The following CDC14B variants were observed in gnomAD, a reference collection of about 807,000 sequenced individuals.
CDC14B encodes dual specificity protein phosphatase CDC14B.
CDC14B carries 22 observed loss-of-function variants against 64.2 expected under a neutral mutation model. That is an observed-to-expected ratio of 0.34 (90% CI 0.24 to 0.49). CDC14B has a LOEUF of 0.49. CDC14B is among the 20% of genes least tolerant of loss of function. The pLI is 0.99. For missense variants in CDC14B, 498 were observed against 629.9 expected (o/e 0.79, Z 2.24); for synonymous variants, 191 against 215.8 (o/e 0.89, Z 1.01).
chr9:96,540,841 C>T lies in CDC14B; in HGVS notation c.564+985G>A, dbSNP rs544700212. ...TGCCCACACTGAGGGCCCATGGAGC[C>T]GCCTCAGAGCTCATGGCAACTACCC... On this transcript the variant is annotated intron_variant, in intron 6 of 13. Transcript: ENST00000375241. Among the ~76,000 whole-genome samples, 21 of 152,210 alleles carry T rather than the reference C, an allele frequency of 1.4e-4. No individual in the cohort carries two copies. In the South Asian group the frequency reaches 3.9e-3, roughly 29 times the overall value.
intron 6 of CDC14B, 143 bp from the exon 7 acceptor site, chr9:96,539,283 G>A: frequency 3.3e-6 from 2 of 601,672 alleles, no homozygotes; most frequent in Non-Finnish European, 6.0e-6. Flanking sequence ...AGCTTTCAAA[G>A]GAAGTGGGCG....
intron 1 of CDC14B, among the ~76,000 whole-genome samples, chr9:96,584,244 T>C (rs1479002207): frequency 6.6e-6 from 1 of 152,202 alleles, no homozygotes; most frequent in African/African-American, 2.4e-5. Context: ...GCTTTTATTA[T>C]AACTTGGTAG....
chr9:96,492,978 G>T (rs1833126048), exon 14 of CDC14B: 1 of 152,246 alleles, frequency 6.6e-6, no homozygotes, highest in Non-Finnish European at 1.5e-5. Flanking sequence ...ACGCAAGGTG[G>T]GCCCCTCTGA....
rs1837033777 is a variant in CDC14B, at chr9:96,523,324, G to A, written c.1182C>T (p.Leu394=). The A allele has an allele frequency of 6.2e-7, 1 of 1,614,040 alleles. No homozygotes were observed. Among genetic ancestry groups the A allele is most frequent in the Admixed American group, 1.7e-5 (1 of 59,998 alleles). Residue 394 remains leucine (L), a synonymous_variant, in exon 11 of 14, where the codon CTC becomes CTT. Coordinates refer to ENST00000375241, the MANE Select transcript of CDC14B (RefSeq NM_033331.4). The part of the protein sequence containing the change: ...GQHRAAFSKL[L]SGVDDISING... ...TTATGGAAATGTCATCAACGCCAGA[G>A]AGAAGTTTGGAGAAGGCTGCTCTGT...
At chr9:96,582,460 G>T (rs552585177) in intron 1 of CDC14B, among the ~76,000 whole-genome samples, 1 of 152,182 alleles carries the variant, frequency 6.6e-6, no homozygotes, top group South Asian at 2.1e-4. Context: ...CTCTACCTCT[G>T]CCTCTTTTAA....
At chr9:96,606,315 A>G (rs1448583965) in intron 1 of CDC14B, among the ~76,000 whole-genome samples, 1 of 133,646 alleles carries the variant, frequency 7.5e-6, no homozygotes, top group Admixed American at 8.0e-5. Flanking sequence ...CCTGGGGAAC[A>G]GGGCAAGACT....
chr9:96,541,849 CAAG>C lies in CDC14B; in HGVS notation c.538_540del (p.Leu180del). The C allele has an allele frequency of 6.2e-7, 1 of 1,608,948 alleles. No homozygotes were observed. Among genetic ancestry groups the C allele is most frequent in the Non-Finnish European group, 8.5e-7 (1 of 1,176,404 alleles). ...ACCTTCTTTACTGCATGAAAACAGT[CAAG>C]AAGTGTAATGTAGAAATTGCAACTT... On this transcript the variant is annotated inframe_deletion, in exon 6 of 14. Transcript: ENST00000375241.
intron 4 of CDC14B, among the ~76,000 whole-genome samples, chr9:96,559,239 A>T (rs73542480): frequency 0.023 from 3,489 of 152,320 alleles, 138 homozygotes; most frequent in African/African-American, 0.08. Context: ...GTATACAAGG[A>T]TGAAGGAAAC....
At chr9:96,560,908 GATA>G (rs1215310935) in intron 4 of CDC14B, among the ~76,000 whole-genome samples, 2 of 151,972 alleles carry the variant, frequency 1.3e-5, no homozygotes, top group East Asian at 1.9e-4. Flanking sequence ...TTTCAGGGAT[GATA>G]ATAAATTTTG....
rs1352074540 is a variant in CDC14B, at chr9:96,562,685, ATACT to A, written c.420+4_420+7del. On this transcript the variant is annotated splice_donor_5th_base_variant and intron_variant, in intron 4 of 13. Transcript: ENST00000375241. ...TTTTATGAATACATTAGGAAAACAA[ATACT>A]TACCATGTAGCATCCAACAAGGAAG... 6.3e-7 allele frequency: 1 copy of A among 1,584,512 alleles called. No individual in the cohort carries two copies.
intron 1 of CDC14B, among the ~76,000 whole-genome samples, chr9:96,603,914 C>T (rs1846677941): frequency 6.6e-6 from 1 of 152,220 alleles, no homozygotes. Flanking sequence ...AGATTAGAAA[C>T]CCTGGAACAA....
At chr9:96,603,382 AG>A (rs1846637496) in intron 1 of CDC14B, among the ~76,000 whole-genome samples, 1 of 152,234 alleles carries the variant, frequency 6.6e-6, no homozygotes, top group South Asian at 2.1e-4. Context: ...AAAAAAAGAA[AG>A]CAACTCTAGG....
intron 5 of CDC14B, among the ~76,000 whole-genome samples, chr9:96,550,584 T>C (rs1407493477): frequency 6.6e-6 from 1 of 152,220 alleles, no homozygotes; most frequent in African/African-American, 2.4e-5. Context: ...AACTAATTAG[T>C]TTGAACAATG....
In CDC14B at chr9:96,522,563, T is replaced by C. The variant is rs369076966; in HGVS notation, c.1286A>G (p.Asp429Gly). Residue 429 changes from aspartate (D) to glycine (G), a missense_variant, in exon 12 of 14, where the codon GAT becomes GGT. Physicochemically the swap from Asp to Gly is moderately conservative, Grantham distance 94 (BLOSUM62 -1). Transcript: ENST00000375241. Reference protein sequence around the residue: ...DDEINGVTQGDRLRALKSRRQ... With the variant: ...DDEINGVTQGGRLRALKSRRQ... The stretch of plus-strand genomic sequence containing the variant: ...TCTGCTTTTCAAGGCCCGAAGTCTA[T>C]CACCTTGTGTCACTCCATTGATTTC... 3 of 1,613,248 alleles carry C rather than the reference T, an allele frequency of 1.9e-6. No individual in the cohort carries two copies. Among genetic ancestry groups the C allele is most frequent in the Non-Finnish European group, 2.5e-6 (3 of 1,179,284 alleles).
chr9:96,564,936 T>G (rs982247066), intron 2 of CDC14B, 84 bp from the exon 3 acceptor site: 3 of 851,106 alleles, frequency 3.5e-6, no homozygotes, highest in Non-Finnish European at 3.7e-6. Flanking sequence ...AAGATCAAAT[T>G]AAGATAAGCA....
chr9:96,528,191 T>C (rs779232000), intron 9 of CDC14B, among the ~76,000 whole-genome samples: 2 of 152,180 alleles, frequency 1.3e-5, no homozygotes, highest in Non-Finnish European at 2.9e-5. Context: ...CTTCCTCTGA[T>C]GGAAACCTGG....
intron 12 of CDC14B, among the ~76,000 whole-genome samples, chr9:96,517,385 G>A (rs1260655545): frequency 7.4e-5 from 11 of 149,000 alleles, no homozygotes; most frequent in Admixed American, 5.3e-4. Context: ...GGGCGTGGTG[G>A]CTCACACCTG....
intron 1 of CDC14B, among the ~76,000 whole-genome samples, chr9:96,577,748 C>A (rs142215281): frequency 2.0e-4 from 30 of 152,346 alleles, no homozygotes; most frequent in Non-Finnish European, 4.0e-4. Flanking sequence ...ATAAACATAG[C>A]ACATCTTCTG....
intron 7 of CDC14B, 90 bp downstream of exon 7, chr9:96,538,988 A>G: frequency 1.2e-6 from 1 of 808,032 alleles, no homozygotes. Flanking sequence ...GTACATCTTA[A>G]GTATATATAA....
Sources: allele counts gnomAD v4.1 joint callset (sites outside exome capture counted in the v4.1 genomes callset), GRCh38; gene constraint gnomAD v4.1.1; transcripts MANE v1.5; gene names NCBI Gene and HGNC (gene_info 2026-07-23, HGNC 2026-07-21).